Variants in EIF1AD observed in about 807,000 individuals in gnomAD.
The protein encoded by EIF1AD is probable RNA-binding protein EIF1AD.
EIF1AD carries 9 observed loss-of-function variants against 21.7 expected under a neutral mutation model. The ratio of observed to expected loss-of-function variants is 0.41; its 90% CI spans 0.25 to 0.72. The LOEUF (loss-of-function observed/expected upper bound fraction) is 0.72. EIF1AD is among the 30% of genes least tolerant of loss of function. EIF1AD has a pLI of 0.29. For synonymous variants in EIF1AD, 78 were observed against 70.9 expected, an observed-to-expected ratio of 1.10 and a Z score of -0.50; for missense variants, 164 against 199.7, an observed-to-expected ratio of 0.82 and a Z score of 1.08.
At chr11:65,999,841 A>G in intron 3 of EIF1AD, 166 bp from the exon 4 acceptor site, 1 of 650,934 alleles carries the variant, frequency 1.5e-6, no homozygotes, top group Non-Finnish European at 2.6e-6. Flanking sequence ...GGCAAGCAAT[A>G]GCATGATCAT....
chr11:65,997,683 T>C lies in EIF1AD; in HGVS notation c.*916A>G, dbSNP rs1855780029. On this transcript the variant is annotated 3_prime_UTR_variant, in exon 6 of 6. Coordinates refer to ENST00000533544, the MANE Select transcript of EIF1AD (RefSeq NM_001242481.2). ...GGGTTTGGGCACAGAGGTGAATGAT[T>C]GGGTTTACCCAGGGTTAGGGTTTTA... is the stretch of plus-strand genomic sequence containing the variant. 6.6e-6 allele frequency: 1 copy of C among 152,306 alleles called. No individual in the cohort carries two copies. Among genetic ancestry groups the C allele is most frequent in the African/African-American group, 2.4e-5 (1 of 41,454 alleles). 9.4% of individuals were successfully genotyped at this position (152,306 alleles called of 1,614,324 possible). A position where few individuals can be genotyped will look rare whatever the true frequency, so the allele number is the denominator to read the frequency against.
At chr11:65,998,933 T>A (rs1855831077) in intron 5 of EIF1AD, among the ~76,000 whole-genome samples, 190 bp from the exon 6 acceptor site, 1 of 152,184 alleles carries the variant, frequency 6.6e-6, no homozygotes, top group Non-Finnish European at 1.5e-5. Context: ...GGCTAAAGAC[T>A]GACCCCACTC....
At chr11:65,999,870 C>T in intron 3 of EIF1AD, 183 bp downstream of exon 3, 2 of 642,656 alleles carry the variant, frequency 3.1e-6, no homozygotes, top group South Asian at 1.9e-5. Flanking sequence ...GCAGCCTCCA[C>T]CTCCCAGGCT....
In EIF1AD at chr11:65,996,856, C is replaced by T. The variant is rs562088939; in HGVS notation, c.*1743G>A. On this transcript the variant is annotated 3_prime_UTR_variant, in exon 6 of 6. Coordinates refer to ENST00000533544, the MANE Select transcript of EIF1AD (RefSeq NM_001242481.2). The stretch of plus-strand genomic sequence containing the variant: ...AAAGAATCAAATACCCACACCCAGA[C>T]ACAATACTCAACAACACAAATACCC... The T allele has an allele frequency of 3.9e-5, 6 of 152,342 alleles. No homozygotes were observed. Among genetic ancestry groups the T allele is most frequent in the African/African-American group, 1.4e-4 (6 of 41,554 alleles). 9.4% of individuals were successfully genotyped at this position (152,342 alleles called of 1,614,324 possible).
Position 65,998,535 on chromosome 11 carries a change from A to C in EIF1AD, c.*64T>G. On this transcript the variant is annotated 3_prime_UTR_variant, in exon 6 of 6. Transcript: ENST00000533544. ...TGAAGATGTGCAGAGCACCCTGGGA[A>C]TGTCCAAGCCCAGAAGAGCCAGGGG... 6.3e-7 allele frequency: 1 copy of C among 1,584,840 alleles called. No homozygotes were observed. The highest frequency in any genetic ancestry group is 8.6e-7 in the Non-Finnish European group (1 of 1,164,242).
At position 65,999,596 on chromosome 11, in the gene EIF1AD, G is replaced by A. The variant is rs985267902; in HGVS notation, c.276C>T (p.His92=). Residue 92 remains histidine, a synonymous_variant, in exon 4 of 6, where the codon CAC becomes CAT. Transcript: ENST00000533544. ...AEISFVLCKD[H]VRSLQKEGFW... ...ACCCCTCCTTCTGCAGAGAGCGCAC[G>A]TGGTCCTTGCAGAGCACAAACGAGA... is the stretch of plus-strand genomic sequence containing the variant. 19 of 1,613,778 alleles carry A rather than the reference G, an allele frequency of 1.2e-5. No individual in the cohort carries two copies. The highest frequency in any genetic ancestry group is 1.7e-4 in the Middle Eastern group (1 of 5,904).
At chr11:66,000,634 T>G (rs545479258) in intron 1 of EIF1AD, 129 bp from the exon 2 acceptor site, 1 of 521,900 alleles carries the variant, frequency 1.9e-6, no homozygotes, top group South Asian at 2.1e-5. Context: ...AACAGCTAAC[T>G]CAGCACTGTT....
rs1212197133 is a variant in EIF1AD, at chr11:65,997,518, A to G, written c.*1081T>C. 1 of 152,200 alleles carries G rather than the reference A, an allele frequency of 6.6e-6. No homozygotes were observed. The highest frequency in any genetic ancestry group is 1.5e-5 in the Non-Finnish European group (1 of 68,048). 9.4% of individuals were successfully genotyped at this position (152,200 alleles called of 1,614,324 possible). A position where few individuals can be genotyped will look rare whatever the true frequency, so the allele number is the denominator to read the frequency against. Reference sequence around the variant, plus strand: ...AACTACCACAAGGGGGAATTGATAGATAAGACAGAAGTTTTGAAACAGACA... The same window carrying G: ...AACTACCACAAGGGGGAATTGATAGGTAAGACAGAAGTTTTGAAACAGACA... On this transcript the variant is annotated 3_prime_UTR_variant, in exon 6 of 6. Transcript: ENST00000533544.
rs564248409 is a variant in EIF1AD, at chr11:65,997,451, C to T, written c.*1148G>A. ...GCTGGTAACAGGGAGGCAGGCATTCCCTCTGATGGTTGCTGTTTCTTAATG... is the reference window on the plus strand; with the variant it reads ...GCTGGTAACAGGGAGGCAGGCATTCTCTCTGATGGTTGCTGTTTCTTAATG... On this transcript the variant is annotated 3_prime_UTR_variant, in exon 6 of 6. Transcript: ENST00000533544. 12 of 152,216 alleles carry T rather than the reference C, an allele frequency of 7.9e-5. No homozygotes were observed. Among genetic ancestry groups the T allele is most frequent in the Non-Finnish European group, 1.5e-4 (10 of 68,022 alleles). The allele number at this position is 152,216 out of a possible 1,614,324, so 9.4% of individuals were successfully genotyped here.
chr11:65,999,591 C>T lies in EIF1AD; in HGVS notation c.281G>A (p.Arg94His), dbSNP rs201148001. 233 of 1,613,752 alleles carry T rather than the reference C, an allele frequency of 1.4e-4. No individual in the cohort carries two copies. Among genetic ancestry groups the T allele is most frequent in the Middle Eastern group, 1.2e-3 (7 of 5,850 alleles). ...ISFVLCKDHV[R>H]SLQKEGFWPE... ...CCAAAACCCCTCCTTCTGCAGAGAG[C>T]GCACGTGGTCCTTGCAGAGCACAAA... Residue 94 changes from arginine (R) to histidine (H), a missense_variant, in exon 4 of 6, where the codon CGC becomes CAC. Transcript: ENST00000533544.
chr11:66,000,458 G>C lies in EIF1AD; in HGVS notation c.-69C>G. On this transcript the variant is annotated 5_prime_UTR_variant, in exon 2 of 6. Transcript: ENST00000533544. ...CTCCTCCTCCTGAGTTCCTTGGATGGCAGGCTCAGAACCCAGGACTGTTCT... is the reference window on the plus strand; with the variant it reads ...CTCCTCCTCCTGAGTTCCTTGGATGCCAGGCTCAGAACCCAGGACTGTTCT... 6.7e-7 allele frequency: 1 copy of C among 1,487,832 alleles called. No individual in the cohort carries two copies. Among genetic ancestry groups the C allele is most frequent in the Non-Finnish European group, 9.2e-7 (1 of 1,091,536 alleles). The allele number at this position is 1,487,832 out of a possible 1,614,324, so 92.2% of individuals were successfully genotyped here.
chr11:66,000,057 C>G lies in EIF1AD; in HGVS notation c.192G>C (p.Lys64Asn). Residue 64 changes from lysine to asparagine, a missense_variant, in exon 3 of 6, where the codon AAG becomes AAC. Coordinates refer to ENST00000533544, the MANE Select transcript of EIF1AD (RefSeq NM_001242481.2). Reference sequence around the variant, plus strand: ...TTACAGGAGTAATCCTCTCACCTCTCTTGATCCAGATGTTCTTGCGGTATT... The same window carrying G: ...TTACAGGAGTAATCCTCTCACCTCTGTTGATCCAGATGTTCTTGCGGTATT... ...PSKYRKNIWI[K>N]RGDFLIVDPI... The G allele has an allele frequency of 6.2e-7, 1 of 1,613,052 alleles. No homozygotes were observed. The highest frequency in any genetic ancestry group is 8.5e-7 in the Non-Finnish European group (1 of 1,179,020).
intron 1 of EIF1AD, among the ~76,000 whole-genome samples, chr11:66,001,159 A>T (rs914381590): frequency 6.6e-6 from 1 of 152,202 alleles, no homozygotes; most frequent in Non-Finnish European, 1.5e-5. Context: ...ACAGAATGGG[A>T]CAATACAATG....
chr11:66,001,471 C>CAAAAA (rs397944986), intron 1 of EIF1AD, among the ~76,000 whole-genome samples: 4 of 79,452 alleles, frequency 5.0e-5, no homozygotes, highest in East Asian at 6.4e-4. Context: ...GACTCCGTCT[C>CAAAAA]AAAAAAAAAA....
chr11:66,000,255 G>A (rs1006784913), intron 2 of EIF1AD, 48 bp downstream of exon 2: 16 of 1,612,226 alleles, frequency 9.9e-6, no homozygotes, highest in Admixed American at 5.0e-5. Flanking sequence ...GGGCCCTCCA[G>A]GGCTGCAGGG....
chr11:66,001,077 G>A (rs1855935724), intron 1 of EIF1AD, among the ~76,000 whole-genome samples: 1 of 151,394 alleles, frequency 6.6e-6, no homozygotes. Flanking sequence ...GACGCTCCCG[G>A]CCGAATAAAA....
chr11:65,999,900 A>G, intron 3 of EIF1AD, 153 bp downstream of exon 3: 1 of 666,324 alleles, frequency 1.5e-6, no homozygotes, highest in Non-Finnish European at 2.6e-6. Flanking sequence ...CTCAGGCCTC[A>G]GCCTCCTGAG....
In EIF1AD at chr11:65,999,256, T is replaced by C. The variant is rs1855842416; in HGVS notation, c.353+94A>G. ...TTAGGAGCTCTCAACAGATACCCTA[T>C]GTAAGGAGGAAAGAAGGCTCTATTT... On this transcript the variant is annotated intron_variant, in intron 5 of 5. Transcript: ENST00000533544. The C allele has an allele frequency of 1.3e-5, 20 of 1,525,662 alleles. No homozygotes were observed. The East Asian group carries it at 2.5e-4, about 19-fold the overall frequency. 94.5% of individuals were successfully genotyped at this position (1,525,662 alleles called of 1,614,324 possible). A position where few individuals can be genotyped will look rare whatever the true frequency, so the allele number is the denominator to read the frequency against.
rs939500212 is a variant in EIF1AD, at chr11:65,998,638, A to G, written c.459T>C (p.His153=). 2.3e-5 allele frequency: 37 copies of G among 1,612,420 alleles called. No individual in the cohort carries two copies. The highest frequency in any genetic ancestry group is 4.0e-5 in the African/African-American group (3 of 74,880). The change falls in exon 6 of 6, where the codon CAT becomes CAC. Residue 153 remains histidine, a synonymous_variant. Transcript: ENST00000533544. ...CCTCTTCACTCTCCTCCTCACTCTC[A>G]TGATACTGTCTGCGGTTTGTGTTAA... ...LFVNTNRRQY[H]ESEEESEEEE... is the part of the protein sequence containing the mutation.
Sources: gnomAD v4.1 joint callset for allele counts (sites outside exome capture counted in the v4.1 genomes callset) on GRCh38, gnomAD v4.1.1 for gene constraint, MANE v1.5 for transcripts, NCBI Gene and HGNC (gene_info 2026-07-23, HGNC 2026-07-21) for gene names.